Variants in SCRG1 observed in about 807,000 individuals in gnomAD.
The protein encoded by SCRG1 is stimulator of chondrogenesis 1.
In SCRG1, 3 loss-of-function variants were observed where a neutral mutation model predicts 7.7. That is an observed-to-expected ratio of 0.39 (90% CI 0.18 to 1.01). The LOEUF is 1.01. Among genes scored for constraint, SCRG1 ranks in the 50% least tolerant of loss-of-function variants. The pLI, the probability that SCRG1 is intolerant of heterozygous loss-of-function variation, is 0.36. For synonymous variants in SCRG1, 46 were observed against 41.2 expected (o/e 1.12, Z -0.44); for missense variants, 110 against 117.2 (o/e 0.94, Z 0.28).
At chr4:173,499,230 A>G in the SCRG1 span, among the ~76,000 whole-genome samples, 1 of 152,314 alleles carries the variant, frequency 6.6e-6, no homozygotes, top group East Asian at 1.9e-4. The surrounding 1 kb of genome is among the most constrained non-coding windows in gnomAD (Gnocchi z 4.1). Flanking sequence ...ACTGAGGGCA[A>G]TGTGGGGTAA....
chr4:173,476,469 T>G, the SCRG1 span, among the ~76,000 whole-genome samples: 1 of 151,252 alleles, frequency 6.6e-6, no homozygotes, highest in African/African-American at 2.4e-5. Flanking sequence ...CGCAAGTCAG[T>G]GTGCACTGAG....
At chr4:173,513,254 C>T in the SCRG1 span, among the ~76,000 whole-genome samples, 1 of 152,004 alleles carries the variant, frequency 6.6e-6, no homozygotes, top group East Asian at 1.9e-4. Flanking sequence ...ATTCTTTGTC[C>T]TCATCCACAG....
At chr4:173,421,539 A>G in the SCRG1 span, among the ~76,000 whole-genome samples, 1 of 152,218 alleles carries the variant, frequency 6.6e-6, no homozygotes, top group African/African-American at 2.4e-5. Context: ...AGACACTGAA[A>G]GGTGGGCCTG....
chr4:173,481,932 A>G, the SCRG1 span, among the ~76,000 whole-genome samples: 1 of 151,636 alleles, frequency 6.6e-6, no homozygotes, highest in Admixed American at 6.6e-5. Flanking sequence ...GGGTGTCAGC[A>G]CCTCTGACCC....
At chr4:173,508,347 C>T in the SCRG1 span, among the ~76,000 whole-genome samples, 3 of 152,124 alleles carry the variant, frequency 2.0e-5, no homozygotes, top group Admixed American at 1.3e-4. This position sits in a 1 kb window ranked among gnomAD's most constrained non-coding sequence, Gnocchi z 4.4. Flanking sequence ...GGTGAAATGC[C>T]GAGGTTCTAG....
At chr4:173,464,099 G>A in the SCRG1 span, among the ~76,000 whole-genome samples, 1 of 148,530 alleles carries the variant, frequency 6.7e-6, no homozygotes, top group Non-Finnish European at 1.5e-5. Flanking sequence ...GGAGAATGGG[G>A]CTTCTAAAAG....
the SCRG1 span, among the ~76,000 whole-genome samples, chr4:173,510,143 A>G: frequency 6.6e-6 from 1 of 152,158 alleles, no homozygotes; most frequent in Non-Finnish European, 1.5e-5. The surrounding 1 kb of genome is among the most constrained non-coding windows in gnomAD (Gnocchi z 5.7). Context: ...GATTATTACT[A>G]GCATATTTTA....
chr4:173,458,243 T>C, the SCRG1 span, among the ~76,000 whole-genome samples: 1 of 152,200 alleles, frequency 6.6e-6, no homozygotes, highest in Non-Finnish European at 1.5e-5. Context: ...TTTAAGAGCA[T>C]AAAAATTAGC....
At chr4:173,475,075 A>T in the SCRG1 span, among the ~76,000 whole-genome samples, 11 of 152,134 alleles carry the variant, frequency 7.2e-5, no homozygotes, top group South Asian at 2.1e-3. Flanking sequence ...TCTCCCCTTC[A>T]TGTCTCATCC....
chr4:173,446,738 A>G, the SCRG1 span: 3 of 152,242 alleles, frequency 2.0e-5, no homozygotes, highest in Non-Finnish European at 4.4e-5. Context: ...GTGACACAAA[A>G]TGAGAAGCAC....
chr4:173,452,102 C>A, the SCRG1 span, among the ~76,000 whole-genome samples: 1 of 151,940 alleles, frequency 6.6e-6, no homozygotes. Flanking sequence ...ACATGAGACA[C>A]AATGGGGCCT....
the SCRG1 span, among the ~76,000 whole-genome samples, chr4:173,485,004 A>ATATAAT: frequency 1.1e-4 from 1 of 9,418 alleles, no homozygotes; most frequent in Non-Finnish European, 1.5e-4. Flanking sequence ...ATATATTATA[A>ATATAAT]ATATAATATA....
chr4:173,496,375 C>A, the SCRG1 span, among the ~76,000 whole-genome samples: 2 of 151,996 alleles, frequency 1.3e-5, no homozygotes, highest in African/African-American at 4.8e-5. Context: ...GAGCTCATTA[C>A]AGTTGCTAGG....
At chr4:173,485,392 A>C in the SCRG1 span, among the ~76,000 whole-genome samples, 2 of 149,950 alleles carry the variant, frequency 1.3e-5, no homozygotes, top group African/African-American at 2.5e-5. Context: ...CTGACAGCCA[A>C]CAACAAGTAC....
intron 1 of SCRG1, among the ~76,000 whole-genome samples, chr4:173,394,459 A>G (rs903618894): frequency 6.6e-6 from 1 of 152,158 alleles, no homozygotes; most frequent in Non-Finnish European, 1.5e-5. Flanking sequence ...CCTGGCTAAC[A>G]CGGTGAAACC....
chr4:173,407,551 A>G (rs989607086), upstream of SCRG1, among the ~76,000 whole-genome samples: 1 of 152,114 alleles, frequency 6.6e-6, no homozygotes, highest in East Asian at 1.9e-4. Context: ...AAAAAAAGAG[A>G]GTAGAGGTGC....
the SCRG1 span, among the ~76,000 whole-genome samples, chr4:173,434,337 T>C: frequency 2.0e-5 from 3 of 152,132 alleles, no homozygotes; most frequent in Non-Finnish European, 2.9e-5. Flanking sequence ...TAAGGTGTTA[T>C]GTTATTGCAC....
At chr4:173,407,475 C>T (rs987082104), upstream of SCRG1, among the ~76,000 whole-genome samples, 2 of 151,952 alleles carry the variant, frequency 1.3e-5, no homozygotes, top group African/African-American at 4.8e-5. Flanking sequence ...GTGGAAGTTG[C>T]AGTGAGCCGA....
the SCRG1 span, among the ~76,000 whole-genome samples, chr4:173,500,405 G>A: frequency 6.6e-6 from 1 of 152,164 alleles, no homozygotes; most frequent in African/African-American, 2.4e-5. Flanking sequence ...AGGAAATACG[G>A]GCGAAGGAGA....
Sources: gnomAD v4.1 joint callset for allele counts (sites outside exome capture counted in the v4.1 genomes callset) on GRCh38, gnomAD v4.1.1 for gene constraint, Gnocchi (gnomAD v3.1) non-coding constraint, MANE v1.5 for transcripts, NCBI Gene and HGNC (gene_info 2026-07-23, HGNC 2026-07-21) for gene names.